GALNT9: variants seen among roughly 807,000 people sequenced by gnomAD.
GALNT9 encodes polypeptide N-acetylgalactosaminyltransferase 9, also known as GalNAc transferase 9.
A neutral mutation model predicts 63.1 loss-of-function variants in GALNT9; 47 were observed. That is an observed-to-expected ratio of 0.75 (90% CI 0.59 to 0.95). GALNT9 has a LOEUF of 0.95. Ranked by LOEUF, GALNT9 falls within the 40% of genes least tolerant of loss-of-function variation. The pLI is 0.00. For missense variants in GALNT9, 829 were observed against 874.8 expected (o/e 0.95, Z 0.66); for synonymous variants, 396 against 365.7 (o/e 1.08, Z -0.94).
chr12:132,327,890 G>A lies in GALNT9; in HGVS notation c.238+1076C>T, dbSNP rs916644525. On this transcript the variant is annotated intron_variant, in intron 1 of 10. Coordinates refer to ENST00000328957, the MANE Select transcript of GALNT9 (RefSeq NM_001122636.2). The surrounding 1 kb of genome is among the most constrained non-coding windows in gnomAD (Gnocchi z 4.3). ...TGAAGGAAACGCAAGACCACCCCCC[G>A]CCTTTGCCCCCACACACAGCAGGCA... Among the ~76,000 whole-genome samples, 5 of 124,102 alleles carry A rather than the reference G, an allele frequency of 4.0e-5. No individual in the cohort carries two copies. Among genetic ancestry groups the A allele is most frequent in the Non-Finnish European group, 8.3e-5 (5 of 60,340 alleles). 81.4% of individuals were successfully genotyped at this position (124,102 alleles called of 152,430 possible).
Position 132,245,608 on chromosome 12 carries a change from G to A in GALNT9, c.1077+2302C>T, listed in dbSNP as rs1258310801. ...ACCCACACCCCCAGCCCAGCCTGCTGACCCTCGCCCAGCCAGGGCCCTCCG... is the reference window on the plus strand; with the variant it reads ...ACCCACACCCCCAGCCCAGCCTGCTAACCCTCGCCCAGCCAGGGCCCTCCG... On this transcript the variant is annotated intron_variant, in intron 6 of 10. Transcript: ENST00000328957. The surrounding 1 kb of genome is among the most constrained non-coding windows in gnomAD (Gnocchi z 6.3). Among the ~76,000 whole-genome samples, 2 of 150,772 alleles carry A rather than the reference G, an allele frequency of 1.3e-5. No homozygotes were observed. The highest frequency in any genetic ancestry group is 1.3e-4 in the Admixed American group (2 of 15,186).
chr12:132,267,937 A>T (rs1308069443), intron 2 of GALNT9, among the ~76,000 whole-genome samples: 1 of 150,674 alleles, frequency 6.6e-6, no homozygotes, highest in Non-Finnish European at 1.5e-5. Context: ...ATGCACACAC[A>T]CACGCACTCA....
intron 6 of GALNT9, among the ~76,000 whole-genome samples, chr12:132,204,642 C>T (rs1404315334): frequency 2.0e-5 from 3 of 152,134 alleles, no homozygotes; most frequent in Non-Finnish European, 4.4e-5. Flanking sequence ...TGAGTCAATT[C>T]CTTAGATGAA....
chr12:132,198,737 C>T (rs998202348), intron 9 of GALNT9, among the ~76,000 whole-genome samples: 2 of 152,236 alleles, frequency 1.3e-5, no homozygotes, highest in African/African-American at 2.4e-5. Flanking sequence ...GCTCAACCTC[C>T]GCATCCCAGG....
chr12:132,213,714 G>A (rs1210469687), intron 6 of GALNT9, among the ~76,000 whole-genome samples: 2 of 152,266 alleles, frequency 1.3e-5, no homozygotes, highest in African/African-American at 2.4e-5. Context: ...TGTCCGAGGA[G>A]GGGTGTTCAG....
chr12:132,314,929 C>A (rs192063000), intron 1 of GALNT9, among the ~76,000 whole-genome samples: 1 of 152,200 alleles, frequency 6.6e-6, no homozygotes, highest in Admixed American at 6.5e-5. Context: ...TAACATCTGC[C>A]GAAGCAGCGC....
rs549376751 is a variant in GALNT9, at chr12:132,282,395, G to A, written c.419+3855C>T. Among the ~76,000 whole-genome samples the A allele has an allele frequency of 3.9e-4, 58 of 149,528 alleles. No homozygotes were observed. The East Asian group carries it at 5.1e-3, about 13-fold the overall frequency. On this transcript the variant is annotated intron_variant, in intron 2 of 10. Coordinates refer to ENST00000328957, the MANE Select transcript of GALNT9 (RefSeq NM_001122636.2). This position sits in a 1 kb window ranked among gnomAD's most constrained non-coding sequence, Gnocchi z 4.5. ...TGCTTAAAGAAAAAACTAAAAATACGTGTGTGCGCGTGTGTGCGTGTGTGT... is the reference window on the plus strand; with the variant it reads ...TGCTTAAAGAAAAAACTAAAAATACATGTGTGCGCGTGTGTGCGTGTGTGT...
chr12:132,266,668 C>T (rs889667826), intron 2 of GALNT9, among the ~76,000 whole-genome samples: 12 of 152,196 alleles, frequency 7.9e-5, no homozygotes, highest in Admixed American at 4.6e-4. Context: ...CCCTCCAGAA[C>T]GGGGGACAGT....
intron 6 of GALNT9, among the ~76,000 whole-genome samples, chr12:132,217,499 CCCAT>C (rs778976866): frequency 1.1e-4 from 16 of 151,028 alleles, no homozygotes; most frequent in African/African-American, 2.2e-4. Flanking sequence ...TGCATCCCCA[CCCAT>C]CCATCCATCC....
At position 132,315,187 on chromosome 12, in the gene GALNT9, C is replaced by G. The variant is rs1358528357; in HGVS notation, c.238+13779G>C. 1.3e-5 allele frequency among the ~76,000 whole-genome samples: 2 copies of G among 152,188 alleles called. No individual in the cohort carries two copies. Among genetic ancestry groups the G allele is most frequent in the East Asian group, 1.9e-4 (1 of 5,184 alleles). On this transcript the variant is annotated intron_variant, in intron 1 of 10. Transcript: ENST00000328957. The surrounding 1 kb of genome is among the most constrained non-coding windows in gnomAD (Gnocchi z 6.1). ...AACCACAAGGCTCTGCACCGAGCAA[C>G]TAAGATAATCAGGGTGGCCTCCCCC... is the stretch of plus-strand genomic sequence containing the variant.
intron 2 of GALNT9, among the ~76,000 whole-genome samples, chr12:132,269,736 C>T (rs868973508): frequency 9.2e-5 from 14 of 152,222 alleles, no homozygotes; most frequent in Middle Eastern, 3.2e-3. Flanking sequence ...GTCTCAGACG[C>T]GTGGGGCCGG....
Position 132,238,098 on chromosome 12 carries a change from G to A in GALNT9, c.1077+9812C>T, listed in dbSNP as rs1555236482. On this transcript the variant is annotated intron_variant, in intron 6 of 10. Transcript: ENST00000328957. The surrounding 1 kb of genome is among the most constrained non-coding windows in gnomAD (Gnocchi z 6.5). ...GTTTCCTGTGGCTGCCGTCCGCCAC[G>A]AATTCCACAGCTCGGTGGCTTGAAG... is the stretch of plus-strand genomic sequence containing the variant. Among the ~76,000 whole-genome samples, 2 of 152,202 alleles carry A rather than the reference G, an allele frequency of 1.3e-5. No homozygotes were observed. The highest frequency in any genetic ancestry group is 1.5e-5 in the Non-Finnish European group (1 of 68,038).
chr12:132,224,549 CCA>C (rs1877564993), intron 6 of GALNT9, among the ~76,000 whole-genome samples: 2 of 15,400 alleles, frequency 1.3e-4, no homozygotes, highest in South Asian at 2.3e-3. Flanking sequence ...CCCACACAAC[CCA>C]CACCCCACAC....
At position 132,236,267 on chromosome 12, in the gene GALNT9, G is replaced by C. The variant is rs963538798; in HGVS notation, c.1077+11643C>G. ...CAATGACAGCCCCGACAGGCGGCTGGCGGGGAGCGGGTGGGGGCCATGGCC... is the reference window on the plus strand; with the variant it reads ...CAATGACAGCCCCGACAGGCGGCTGCCGGGGAGCGGGTGGGGGCCATGGCC... On this transcript the variant is annotated intron_variant, in intron 6 of 10. Coordinates refer to ENST00000328957, the MANE Select transcript of GALNT9 (RefSeq NM_001122636.2). This position sits in a 1 kb window ranked among gnomAD's most constrained non-coding sequence, Gnocchi z 5.6. 6.6e-6 allele frequency among the ~76,000 whole-genome samples: 1 copy of C among 152,004 alleles called. No individual in the cohort carries two copies. The highest frequency in any genetic ancestry group is 1.5e-5 in the Non-Finnish European group (1 of 67,974).
At chr12:132,205,068 T>C (rs1052973283) in intron 6 of GALNT9, among the ~76,000 whole-genome samples, 4 of 152,164 alleles carry the variant, frequency 2.6e-5, no homozygotes, top group Non-Finnish European at 5.9e-5. Context: ...TCTGCCCAGC[T>C]GAGCTCGGAT....
rs528956376 is a variant in GALNT9 at position 132,202,758 on chromosome 12, C to T, written c.1263+747G>A. Among the ~76,000 whole-genome samples the T allele has an allele frequency of 2.2e-4, 34 of 152,182 alleles. No individual in the cohort carries two copies. The South Asian group carries it at 4.1e-3, about 19-fold the overall frequency. On this transcript the variant is annotated intron_variant, in intron 7 of 10. Transcript: ENST00000328957. The stretch of plus-strand genomic sequence containing the variant: ...GGAAGGAAGGGGGTGGTTCCAGAGA[C>T]GCTGGGGTGTGGCGGGATGGGTCGC...
At chr12:132,216,286 G>A (rs1235452868) in intron 6 of GALNT9, among the ~76,000 whole-genome samples, 2 of 152,208 alleles carry the variant, frequency 1.3e-5, no homozygotes, top group Non-Finnish European at 2.9e-5. Flanking sequence ...CACAAACAGA[G>A]GAAGACAGAG....
chr12:132,302,229 T>C (rs942600458), intron 1 of GALNT9, among the ~76,000 whole-genome samples: 23 of 143,722 alleles, frequency 1.6e-4, no homozygotes, highest in Non-Finnish European at 2.6e-4. Flanking sequence ...TAGAAAATTC[T>C]ACACACACAC....
chr12:132,308,049 C>A (rs199515949), intron 1 of GALNT9, among the ~76,000 whole-genome samples: 22 of 138,766 alleles, frequency 1.6e-4, no homozygotes, highest in Non-Finnish European at 2.7e-4. Flanking sequence ...AAAAAAAAAA[C>A]AAAAAAACAC....
Sources: gnomAD v4.1 joint callset for allele counts (sites outside exome capture counted in the v4.1 genomes callset) on GRCh38, gnomAD v4.1.1 for gene constraint, Gnocchi (gnomAD v3.1) non-coding constraint, MANE v1.5 for transcripts, NCBI Gene and HGNC (gene_info 2026-07-23, HGNC 2026-07-21) for gene names.